Variants in UQCRB observed in about 807,000 individuals in gnomAD.
UQCRB encodes ubiquinol-cytochrome c reductase binding protein, also known as cytochrome b-c1 complex subunit 7.
Under a neutral mutation model 19.8 loss-of-function variants are expected in UQCRB, and 12 were observed. The observed-to-expected ratio is 0.61, with a 90% CI of 0.39 to 0.98. The LOEUF (loss-of-function observed/expected upper bound fraction) is 0.98, where lower values mean the gene tolerates loss of function less well. Among genes scored for constraint, UQCRB ranks in the 50% least tolerant of loss-of-function variants. UQCRB has a pLI of 0.00. For missense variants in UQCRB, 142 were observed against 131.8 expected (o/e 1.08, Z -0.38); for synonymous variants, 39 against 42.9 (o/e 0.91, Z 0.35).
At position 96,230,658 on chromosome 8, in the gene UQCRB, C is replaced by T. The variant is rs1329202247; in HGVS notation, c.*397G>A. ...TAGGATGCAAAATCAAATCTGTTTG[C>T]ATACCAGTGAAGAGGCTATTTCTCA... is the stretch of plus-strand genomic sequence containing the variant. On this transcript the variant is annotated 3_prime_UTR_variant, in exon 4 of 4. Coordinates refer to ENST00000287022, the MANE Select transcript of UQCRB (RefSeq NM_006294.5). 3 of 461,842 alleles carry T rather than the reference C, an allele frequency of 6.5e-6. No homozygotes were observed. The Admixed American group carries it at 7.0e-5, about 11-fold the overall frequency. The allele number at this position is 461,842 out of a possible 1,614,324, so 28.6% of individuals were successfully genotyped here.
chr8:96,227,959 A>G lies in UQCRB; in HGVS notation c.*3096T>C. 2 of 454,134 alleles carry G rather than the reference A, an allele frequency of 4.4e-6. No homozygotes were observed. Among genetic ancestry groups the G allele is most frequent in the South Asian group, 1.6e-5 (1 of 64,478 alleles). 28.1% of individuals were successfully genotyped at this position (454,134 alleles called of 1,614,324 possible). On this transcript the variant is annotated 3_prime_UTR_variant, in exon 4 of 4. Transcript: ENST00000287022. ...GCGTCACATAAATATTCAGACCATG[A>G]TAACTCAGTGCAGGAATGTTATCAA...
rs542150967 is a variant in UQCRB, at chr8:96,229,486, G to A, written c.*1569C>T. On this transcript the variant is annotated 3_prime_UTR_variant, in exon 4 of 4. Coordinates refer to ENST00000287022, the MANE Select transcript of UQCRB (RefSeq NM_006294.5). ...AATTGTGCACAGTAGACGTCTGAAC[G>A]AATAGACCAGAGTCCTGCAAACGTG... 7 of 454,112 alleles carry A rather than the reference G, an allele frequency of 1.5e-5. No individual in the cohort carries two copies. Among genetic ancestry groups the A allele is most frequent in the African/African-American group, 6.0e-5 (3 of 50,128 alleles). The allele number at this position is 454,112 out of a possible 1,614,324, so 28.1% of individuals were successfully genotyped here.
chr8:96,227,165 G>A lies in UQCRB; in HGVS notation c.*3890C>T, dbSNP rs752537581. 1 of 452,734 alleles carries A rather than the reference G, an allele frequency of 2.2e-6. No homozygotes were observed. The highest frequency in any genetic ancestry group is 4.4e-6 in the Non-Finnish European group (1 of 226,114). The allele number at this position is 452,734 out of a possible 1,614,324, so 28.0% of individuals were successfully genotyped here. A position where few individuals can be genotyped will look rare whatever the true frequency, so the allele number is the denominator to read the frequency against. The stretch of plus-strand genomic sequence containing the variant: ...GAGCAATCATATAAAAGGAAATATG[G>A]TCATAACTGATTGAAGTAATAAAAT... On this transcript the variant is annotated 3_prime_UTR_variant, in exon 4 of 4. Transcript: ENST00000287022.
At position 96,230,021 on chromosome 8, in the gene UQCRB, C is replaced by T. The variant is rs1563536253; in HGVS notation, c.*1034G>A. 2 of 454,032 alleles carry T rather than the reference C, an allele frequency of 4.4e-6. No individual in the cohort carries two copies. The highest frequency in any genetic ancestry group is 4.0e-5 in the African/African-American group (2 of 50,010). 28.1% of individuals were successfully genotyped at this position (454,032 alleles called of 1,614,324 possible). ...TCTCTACTAGCTGTGGCTCCACACT[C>T]TCACCTCTACCAAAGAAAGCATTTC... On this transcript the variant is annotated 3_prime_UTR_variant, in exon 4 of 4. Coordinates refer to ENST00000287022, the MANE Select transcript of UQCRB (RefSeq NM_006294.5).
chr8:96,235,485 C>G, intron 1 of UQCRB, 27 bp downstream of exon 1: 4 of 1,614,170 alleles, frequency 2.5e-6, no homozygotes, highest in Non-Finnish European at 3.4e-6. Flanking sequence ...GCGACGATGC[C>G]GGCCAAGAAG....
rs921744257 is a variant in UQCRB at position 96,225,516 on chromosome 8, G to A, written c.*5539C>T. Among the ~76,000 whole-genome samples the A allele has an allele frequency of 2.6e-5, 4 of 152,002 alleles. No individual in the cohort carries two copies. Among genetic ancestry groups the A allele is most frequent in the African/African-American group, 7.2e-5 (3 of 41,384 alleles). ...TGAAGTCCAGGCATCTCAATATGGCGTACACCTTTCAGGTTGCATCTCCCA... is the reference window on the plus strand; with the variant it reads ...TGAAGTCCAGGCATCTCAATATGGCATACACCTTTCAGGTTGCATCTCCCA... On this transcript the variant is annotated 3_prime_UTR_variant, in exon 4 of 4. Coordinates refer to ENST00000287022, the MANE Select transcript of UQCRB (RefSeq NM_006294.5).
rs1346918344 is a variant in UQCRB at position 96,227,525 on chromosome 8, T to TA, written c.*3529dup. ...CATCCCTCTCTGATACTGTCCCTCC[T>TA]AAAATCCATGCTTCCTCCCATACAC... On this transcript the variant is annotated 3_prime_UTR_variant, in exon 4 of 4. Transcript: ENST00000287022. 2.2e-6 allele frequency: 1 copy of TA among 454,146 alleles called. No individual in the cohort carries two copies. Among genetic ancestry groups the TA allele is most frequent in the Non-Finnish European group, 4.4e-6 (1 of 226,794 alleles). The allele number at this position is 454,146 out of a possible 1,614,324, so 28.1% of individuals were successfully genotyped here.
Position 96,225,515 on chromosome 8 carries a change from C to T in UQCRB, c.*5540G>A, listed in dbSNP as rs1809511417. ...ATGAAGTCCAGGCATCTCAATATGG[C>T]GTACACCTTTCAGGTTGCATCTCCC... On this transcript the variant is annotated 3_prime_UTR_variant, in exon 4 of 4. Coordinates refer to ENST00000287022, the MANE Select transcript of UQCRB (RefSeq NM_006294.5). Among the ~76,000 whole-genome samples the T allele has an allele frequency of 6.6e-6, 1 of 152,122 alleles. No homozygotes were observed. Among genetic ancestry groups the T allele is most frequent in the Non-Finnish European group, 1.5e-5 (1 of 68,024 alleles).
At chr8:96,233,076 G>T in intron 2 of UQCRB, 80 bp downstream of exon 2, 2 of 1,366,678 alleles carry the variant, frequency 1.5e-6, no homozygotes, top group Non-Finnish European at 2.0e-6. Flanking sequence ...ACTTGCAAAA[G>T]CAATACTCTC....
chr8:96,223,700 GA>G lies in UQCRB; in HGVS notation c.*7354del, dbSNP rs1300202118. 1.2e-4 allele frequency among the ~76,000 whole-genome samples: 18 copies of G among 152,160 alleles called. No individual in the cohort carries two copies. In the Middle Eastern group the frequency reaches 0.01, roughly 86 times the overall value. On this transcript the variant is annotated 3_prime_UTR_variant, in exon 4 of 4. Coordinates refer to ENST00000287022, the MANE Select transcript of UQCRB (RefSeq NM_006294.5). ...CATTGCAGGGGACTGAGAATAGAAG[GA>G]AAAAAGGTTAGAGGTAGAATTTTGC...
Position 96,228,546 on chromosome 8 carries a change from T to C in UQCRB, c.*2509A>G, listed in dbSNP as rs759553770. ...TTAGCTACTGGTTAGCTATTCGACA[T>C]TGATGATATTCAGCGTTTTCCCAAG... is the stretch of plus-strand genomic sequence containing the variant. On this transcript the variant is annotated 3_prime_UTR_variant, in exon 4 of 4. Coordinates refer to ENST00000287022, the MANE Select transcript of UQCRB (RefSeq NM_006294.5). 6.6e-6 allele frequency: 3 copies of C among 454,130 alleles called. No individual in the cohort carries two copies. Among genetic ancestry groups the C allele is most frequent in the African/African-American group, 2.0e-5 (1 of 50,136 alleles). 28.1% of individuals were successfully genotyped at this position (454,130 alleles called of 1,614,324 possible). A position where few individuals can be genotyped will look rare whatever the true frequency, so the allele number is the denominator to read the frequency against.
rs754968117 is a variant in UQCRB, at chr8:96,227,151, T to C, written c.*3904A>G. 1 of 451,344 alleles carries C rather than the reference T, an allele frequency of 2.2e-6. No individual in the cohort carries two copies. The highest frequency in any genetic ancestry group is 1.6e-5 in the South Asian group (1 of 64,188). 28.0% of individuals were successfully genotyped at this position (451,344 alleles called of 1,614,324 possible). On this transcript the variant is annotated 3_prime_UTR_variant, in exon 4 of 4. Coordinates refer to ENST00000287022, the MANE Select transcript of UQCRB (RefSeq NM_006294.5). ...TATGTTTAAAGAGTGAGCAATCATA[T>C]AAAAGGAAATATGGTCATAACTGAT...
rs1316111318 is a variant in UQCRB, at chr8:96,225,305, A to G, written c.*5750T>C. 1.3e-5 allele frequency among the ~76,000 whole-genome samples: 2 copies of G among 152,250 alleles called. No individual in the cohort carries two copies. Among genetic ancestry groups the G allele is most frequent in the African/African-American group, 4.8e-5 (2 of 41,468 alleles). Reference sequence around the variant, plus strand: ...AAATTCACAAAGATTGCTTTTAATGAGAGCACTCAGTGCAGGCAGGAATGC... The same window carrying G: ...AAATTCACAAAGATTGCTTTTAATGGGAGCACTCAGTGCAGGCAGGAATGC... On this transcript the variant is annotated 3_prime_UTR_variant, in exon 4 of 4. Coordinates refer to ENST00000287022, the MANE Select transcript of UQCRB (RefSeq NM_006294.5).
intron 2 of UQCRB, 22 bp downstream of exon 2, chr8:96,233,134 A>C: frequency 6.2e-7 from 1 of 1,608,424 alleles, no homozygotes; most frequent in Non-Finnish European, 8.5e-7. Context: ...AACAAAAAAC[A>C]TTAAACAGCA....
chr8:96,228,584 G>A lies in UQCRB; in HGVS notation c.*2471C>T, dbSNP rs529740493. ...GCGTTTTCCCAAGTTATTCTTTCTC[G>A]CTTCTCAGCACATAATTTACATTAT... On this transcript the variant is annotated 3_prime_UTR_variant, in exon 4 of 4. Transcript: ENST00000287022. The A allele has an allele frequency of 8.8e-6, 4 of 454,058 alleles. No individual in the cohort carries two copies. Among genetic ancestry groups the A allele is most frequent in the African/African-American group, 6.0e-5 (3 of 50,082 alleles). The allele number at this position is 454,058 out of a possible 1,614,324, so 28.1% of individuals were successfully genotyped here.
At position 96,223,991 on chromosome 8, in the gene UQCRB, G is replaced by A. The variant is rs1438048387; in HGVS notation, c.*7064C>T. ...GTGGTCTCCTGGAGTCTGACTCTGGGGCATGAGTTAGCTTACCTCAAAGAA... is the reference window on the plus strand; with the variant it reads ...GTGGTCTCCTGGAGTCTGACTCTGGAGCATGAGTTAGCTTACCTCAAAGAA... On this transcript the variant is annotated 3_prime_UTR_variant, in exon 4 of 4. Coordinates refer to ENST00000287022, the MANE Select transcript of UQCRB (RefSeq NM_006294.5). Among the ~76,000 whole-genome samples the A allele has an allele frequency of 6.6e-6, 1 of 152,110 alleles. No individual in the cohort carries two copies. Among genetic ancestry groups the A allele is most frequent in the Non-Finnish European group, 1.5e-5 (1 of 68,028 alleles).
chr8:96,229,449 T>C lies in UQCRB; in HGVS notation c.*1606A>G, dbSNP rs1485750844. On this transcript the variant is annotated 3_prime_UTR_variant, in exon 4 of 4. Transcript: ENST00000287022. Reference sequence around the variant, plus strand: ...AGTGCTCTTTGAGATGCCTCAGTTGTAGTCTCCTTGTAATTGTGCACAGTA... The same window carrying C: ...AGTGCTCTTTGAGATGCCTCAGTTGCAGTCTCCTTGTAATTGTGCACAGTA... The C allele has an allele frequency of 2.2e-6, 1 of 454,158 alleles. No homozygotes were observed. The highest frequency in any genetic ancestry group is 7.0e-5 in the East Asian group (1 of 14,388). The allele number at this position is 454,158 out of a possible 1,614,324, so 28.1% of individuals were successfully genotyped here. A position where few individuals can be genotyped will look rare whatever the true frequency, so the allele number is the denominator to read the frequency against.
rs1393795372 is a variant in UQCRB, at chr8:96,229,849, A to T, written c.*1206T>A. 1 of 454,134 alleles carries T rather than the reference A, an allele frequency of 2.2e-6. No individual in the cohort carries two copies. The highest frequency in any genetic ancestry group is 2.3e-5 in the Admixed American group (1 of 42,584). 28.1% of individuals were successfully genotyped at this position (454,134 alleles called of 1,614,324 possible). ...AAAATTTAAAGATGCTCTTTATGAT[A>T]CACACATTTCTCATTGCTTTACAAA... On this transcript the variant is annotated 3_prime_UTR_variant, in exon 4 of 4. Transcript: ENST00000287022.
Position 96,224,658 on chromosome 8 carries a change from T to TA in UQCRB, c.*6396dup, listed in dbSNP as rs1451054586. ...TTTACCCTTCCTCACATCCACCTCT[T>TA]ACACATCTAACTGATATCCAGTCAG... On this transcript the variant is annotated 3_prime_UTR_variant, in exon 4 of 4. Coordinates refer to ENST00000287022, the MANE Select transcript of UQCRB (RefSeq NM_006294.5). Among the ~76,000 whole-genome samples the TA allele has an allele frequency of 6.6e-6, 1 of 152,150 alleles. No individual in the cohort carries two copies. The highest frequency in any genetic ancestry group is 1.5e-5 in the Non-Finnish European group (1 of 68,032).
Sources: gnomAD v4.1 joint callset for allele counts (sites outside exome capture counted in the v4.1 genomes callset) on GRCh38, gnomAD v4.1.1 for gene constraint, MANE v1.5 for transcripts, NCBI Gene and HGNC (gene_info 2026-07-23, HGNC 2026-07-21) for gene names.